The following NAA16 variants were observed in gnomAD, a reference collection of about 807,000 sequenced individuals.
NAA16 encodes the protein N-alpha-acetyltransferase 16, NatA auxiliary subunit.
Under a neutral mutation model 110.3 loss-of-function variants are expected in NAA16, and 97 were observed. The ratio of observed to expected loss-of-function variants is 0.88; its 90% CI spans 0.75 to 1.04. The LOEUF is 1.04. NAA16 is among the 50% of genes least tolerant of loss of function. NAA16 has a pLI of 0.00. For synonymous variants in NAA16, 372 were observed against 330.6 expected, an observed-to-expected ratio of 1.13 and a Z score of -1.36; for missense variants, 1,017 against 1,005.1, an observed-to-expected ratio of 1.01 and a Z score of -0.16.
rs1425348602 is a variant in NAA16 at position 41,323,096 on chromosome 13, G to T, written c.443G>T (p.Arg148Leu). ...YQLLQLRPTQ[R>L]ASWIGYAIAY... ...CTTCTTCAGTTGCGCCCCACACAGC[G>T]TGCCTCCTGGATTGGATATGCTATT... Residue 148 changes from arginine to leucine, a missense_variant, in exon 5 of 20, where the codon CGT (arginine) becomes CTT (leucine). Coordinates refer to ENST00000379406, the MANE Select transcript of NAA16 (RefSeq NM_024561.5). The T allele has an allele frequency of 1.9e-6, 3 of 1,613,920 alleles. No homozygotes were observed. The African/African-American group carries it at 4.0e-5, about 22-fold the overall frequency.
intron 5 of NAA16, among the ~76,000 whole-genome samples, chr13:41,323,684 G>A (rs936047993): frequency 6.6e-5 from 10 of 150,850 alleles, no homozygotes; most frequent in Non-Finnish European, 1.5e-4. Context: ...GGGGTCTTGC[G>A]ATGTTGTCCA....
rs2041823082 is a variant in NAA16 at position 41,316,831 on chromosome 13, C to T, written c.55-15C>T. 3.8e-6 allele frequency: 6 copies of T among 1,565,820 alleles called. No individual in the cohort carries two copies. The highest frequency in any genetic ancestry group is 5.3e-6 in the Non-Finnish European group (6 of 1,136,866). On this transcript the variant is annotated splice_polypyrimidine_tract_variant and intron_variant, in intron 1 of 19. Coordinates refer to ENST00000379406, the MANE Select transcript of NAA16 (RefSeq NM_024561.5). The stretch of plus-strand genomic sequence containing the variant: ...TTCATTTGATAAAATAACTTTTGTT[C>T]ATATTTCTTTACAGAAATGTTATGA...
In NAA16 at chr13:41,317,776, C is replaced by T. The variant is rs887602381; in HGVS notation, c.139+846C>T. Among the ~76,000 whole-genome samples, 10 of 152,088 alleles carry T rather than the reference C, an allele frequency of 6.6e-5. No homozygotes were observed. In the East Asian group the frequency reaches 7.7e-4, roughly 12 times the overall value. On this transcript the variant is annotated intron_variant, in intron 2 of 19. Transcript: ENST00000379406. The stretch of plus-strand genomic sequence containing the variant: ...GTAAAACAGATAAAAGGTGTTGGAG[C>T]GGGGTTTGGGCCACAGGATCACCAT...
chr13:41,369,239 G>T lies in NAA16; in HGVS notation c.1903G>T (p.Ala635Ser). The T allele has an allele frequency of 6.3e-7, 1 of 1,586,692 alleles. No homozygotes were observed. Residue 635 changes from alanine to serine, a missense_variant, in exon 15 of 20, where the codon GCC (alanine) becomes TCC (serine). By Grantham distance (99) the Ala-to-Ser change is moderately conservative. Coordinates refer to ENST00000379406, the MANE Select transcript of NAA16 (RefSeq NM_024561.5). ...AAAAAGAGATGAAGAAGAAGAAGAA[G>T]CCAGTGGCCTTAAGGAAGAACTTAT... ...KKKRDEEEEE[A>S]SGLKEELIPE...
At chr13:41,339,199 G>A (rs2042464334) in intron 9 of NAA16, among the ~76,000 whole-genome samples, 1 of 152,126 alleles carries the variant, frequency 6.6e-6, no homozygotes, top group Non-Finnish European at 1.5e-5. Flanking sequence ...GGAGTGCAAT[G>A]GCATAATCTC....
intron 2 of NAA16, among the ~76,000 whole-genome samples, chr13:41,317,629 A>T (rs1036733603): frequency 2.0e-5 from 3 of 152,220 alleles, no homozygotes; most frequent in African/African-American, 7.2e-5. Context: ...ACAACATTTA[A>T]AAGATTCTTT....
In NAA16 at chr13:41,360,505, A is replaced by G. The variant is rs140907029; in HGVS notation, c.1411-1526A>G. 9.2e-5 allele frequency among the ~76,000 whole-genome samples: 14 copies of G among 152,304 alleles called. No individual in the cohort carries two copies. In the East Asian group the frequency reaches 2.1e-3, roughly 23 times the overall value. On this transcript the variant is annotated intron_variant, in intron 12 of 19. Transcript: ENST00000379406. ...TTAAAGGCACAGGAGAATGAGAAAG[A>G]AGGTGAGAGGAGTTGGTTATTTAAG...
At chr13:41,360,154 A>G (rs2043083303) in intron 12 of NAA16, among the ~76,000 whole-genome samples, 1 of 152,212 alleles carries the variant, frequency 6.6e-6, no homozygotes, top group Non-Finnish European at 1.5e-5. Context: ...AGGTAGCGAT[A>G]GGAAGTAAAA....
Position 41,311,543 on chromosome 13 carries a change from G to A in NAA16, c.15G>A (p.Leu5=). The change falls in exon 1 of 20, where the codon CTG becomes CTA. Residue 5 remains leucine (L), a synonymous_variant. Transcript: ENST00000379406. ...TGCCGGCCACGATGCCGAACGTGCT[G>A]CTGCCGCCCAAGGAGAGCAACCTCT... The part of the protein sequence containing the change: MPNV[L]LPPKESNLFK... 6.2e-7 allele frequency: 1 copy of A among 1,607,238 alleles called. No individual in the cohort carries two copies. Among genetic ancestry groups the A allele is most frequent in the South Asian group, 1.1e-5 (1 of 89,786 alleles).
At chr13:41,316,968 A>G (rs759009590) in intron 2 of NAA16, 38 bp downstream of exon 2, 1 of 1,408,148 alleles carries the variant, frequency 7.1e-7, no homozygotes, top group Admixed American at 1.7e-5. Flanking sequence ...AGGGAAATCA[A>G]ATTCTAAAAC....
chr13:41,340,749 T>A (rs1451463413), intron 9 of NAA16, among the ~76,000 whole-genome samples: 2 of 130,450 alleles, frequency 1.5e-5, no homozygotes, highest in African/African-American at 2.8e-5. Context: ...CGATCTCGGC[T>A]CACTGCAAGC....
chr13:41,353,201 T>C (rs1030174797), intron 9 of NAA16, among the ~76,000 whole-genome samples: 3 of 152,158 alleles, frequency 2.0e-5, no homozygotes, highest in Admixed American at 6.5e-5. Context: ...CTGGTTGCAG[T>C]TTTAGCAACT....
chr13:41,324,375 T>C (rs1465975114), intron 5 of NAA16, among the ~76,000 whole-genome samples: 1 of 131,670 alleles, frequency 7.6e-6, no homozygotes, highest in Non-Finnish European at 1.6e-5. Flanking sequence ...TTTTTTTTTT[T>C]TTTTTTTTTT....
intron 8 of NAA16, among the ~76,000 whole-genome samples, chr13:41,333,421 C>A (rs1464964756): frequency 6.6e-6 from 1 of 152,108 alleles, no homozygotes; most frequent in Non-Finnish European, 1.5e-5. Context: ...CTATTTCACT[C>A]CCTGTCACCC....
At chr13:41,343,680 C>T (rs1339440744) in intron 9 of NAA16, among the ~76,000 whole-genome samples, 1 of 152,178 alleles carries the variant, frequency 6.6e-6, no homozygotes, top group Non-Finnish European at 1.5e-5. Context: ...CAGGCGCACA[C>T]CGCCACACCC....
rs751837355 is a variant in NAA16, at chr13:41,372,879, G to T, written c.2155+49G>T. 10 of 1,434,902 alleles carry T rather than the reference G, an allele frequency of 7.0e-6. No homozygotes were observed. The South Asian group carries it at 1.5e-4, about 22-fold the overall frequency. 88.9% of individuals were successfully genotyped at this position (1,434,902 alleles called of 1,614,324 possible). A position where few individuals can be genotyped will look rare whatever the true frequency, so the allele number is the denominator to read the frequency against. On this transcript the variant is annotated intron_variant, in intron 17 of 19. Transcript: ENST00000379406. ...TTACATTTGTGAATTATTTCTAAGG[G>T]GAGGAGGTTGTTAAATCTCTGTTGA...
chr13:41,356,538 C>A (rs576971599), intron 10 of NAA16, among the ~76,000 whole-genome samples: 4 of 150,440 alleles, frequency 2.7e-5, no homozygotes, highest in Admixed American at 1.3e-4. Context: ...TCACACAAAA[C>A]CTCATAACAT....
intron 9 of NAA16, among the ~76,000 whole-genome samples, chr13:41,354,070 G>T (rs2042915630): frequency 6.6e-6 from 1 of 152,034 alleles, no homozygotes. Context: ...TTCACATTCT[G>T]CTTTTTCTCT....
intron 9 of NAA16, among the ~76,000 whole-genome samples, chr13:41,343,250 G>A (rs966523088): frequency 6.6e-6 from 1 of 152,024 alleles, no homozygotes; most frequent in African/African-American, 2.4e-5. Flanking sequence ...GTGCCACGAT[G>A]CCTAGTTAAT....
Sources: gnomAD v4.1 joint callset for allele counts (sites outside exome capture counted in the v4.1 genomes callset) on GRCh38, gnomAD v4.1.1 for gene constraint, MANE v1.5 for transcripts, NCBI Gene and HGNC (gene_info 2026-07-23, HGNC 2026-07-21) for gene names.